TNRC6A: variants seen among roughly 807,000 people sequenced by gnomAD.
TNRC6A encodes the protein trinucleotide repeat-containing gene 6A protein.
TNRC6A carries 44 observed loss-of-function variants against 221.2 expected under a neutral mutation model. The ratio of observed to expected loss-of-function variants is 0.20; its 90% CI spans 0.16 to 0.26. The LOEUF is 0.26. Among genes scored for constraint, TNRC6A ranks in the 10% least tolerant of loss-of-function variants. TNRC6A has a pLI of 1.00. For missense variants in TNRC6A, 2,199 were observed against 2,404.4 expected (o/e 0.91, Z 1.79); for synonymous variants, 847 against 838.5 (o/e 1.01, Z -0.18).
intron 22 of TNRC6A, among the ~76,000 whole-genome samples, 179 bp downstream of exon 22, chr16:24,820,539 T>G (rs1230590427): frequency 1.3e-5 from 2 of 152,184 alleles, no homozygotes; most frequent in African/African-American, 2.4e-5. Context: ...GCAATAACAT[T>G]AATGCATTAG....
chr16:24,745,787 A>G (rs1247320393), intron 2 of TNRC6A, among the ~76,000 whole-genome samples: 2 of 111,814 alleles, frequency 1.8e-5, no homozygotes, highest in African/African-American at 7.4e-5. Context: ...GACTACAGGT[A>G]TGTACCATCC....
In TNRC6A at chr16:24,712,112, A is replaced by T. The variant is rs562354082; in HGVS notation, n.403-38614A>T. Reference sequence around the variant, plus strand: ...TGCAGGAGAATGAAGTTGGATCCTTACCTAATACCATTTTATTCCTTTGTT... The same window carrying T: ...TGCAGGAGAATGAAGTTGGATCCTTTCCTAATACCATTTTATTCCTTTGTT... On this transcript the variant is annotated intron_variant and non_coding_transcript_variant, in intron 2 of 2. Coordinates refer to the TNRC6A transcript ENST00000566108. 1.8e-4 allele frequency among the ~76,000 whole-genome samples: 28 copies of T among 152,318 alleles called. 1 individual carries two copies. In the East Asian group the frequency reaches 5.2e-3, roughly 28 times the overall value.
At chr16:24,771,409 C>T (rs2057588180) in intron 4 of TNRC6A, among the ~76,000 whole-genome samples, 1 of 152,068 alleles carries the variant, frequency 6.6e-6, no homozygotes, top group African/African-American at 2.4e-5. Context: ...GTCTTTTGAA[C>T]CTATACTTCT....
At chr16:24,783,272 G>A (rs1184812133) in intron 5 of TNRC6A, among the ~76,000 whole-genome samples, 1 of 152,056 alleles carries the variant, frequency 6.6e-6, no homozygotes, top group Non-Finnish European at 1.5e-5. Flanking sequence ...GAGATTATAA[G>A]CGTCCACCAC....
chr16:24,761,955 CCTT>C (rs1241491217), intron 4 of TNRC6A, among the ~76,000 whole-genome samples: 1 of 152,048 alleles, frequency 6.6e-6, no homozygotes, highest in East Asian at 1.9e-4. Context: ...TGTCTCTTCC[CCTT>C]CTTGTCTCAC....
chr16:24,671,730 C>T (rs2055307103), intron 2 of TNRC6A, among the ~76,000 whole-genome samples: 1 of 152,138 alleles, frequency 6.6e-6, no homozygotes, highest in Admixed American at 6.6e-5. Context: ...CAATGTCAGG[C>T]CAGGTGCAGT....
intron 2 of TNRC6A, among the ~76,000 whole-genome samples, chr16:24,720,660 C>CCT (rs1443763181): frequency 1.6e-5 from 2 of 121,426 alleles, no homozygotes; most frequent in Middle Eastern, 7.5e-3. Context: ...CATTGCACTA[C>CCT]AGCCTGGGCG....
chr16:24,758,092 A>C (rs1360681204), intron 3 of TNRC6A, among the ~76,000 whole-genome samples: 2 of 152,238 alleles, frequency 1.3e-5, no homozygotes, highest in African/African-American at 2.4e-5. Flanking sequence ...GATGTCTTCT[A>C]TGCTTAGTGT....
At chr16:24,628,242 A>G (rs1213109849) in intron 1 of TNRC6A, among the ~76,000 whole-genome samples, 1 of 151,350 alleles carries the variant, frequency 6.6e-6, no homozygotes, top group Non-Finnish European at 1.5e-5. Context: ...AACATGGTGA[A>G]ACCCCGTCTC....
chr16:24,687,366 A>C (rs889055613), intron 2 of TNRC6A, among the ~76,000 whole-genome samples: 1 of 152,236 alleles, frequency 6.6e-6, no homozygotes, highest in Non-Finnish European at 1.5e-5. Flanking sequence ...GAATGACTAA[A>C]GGATGAATTC....
intron 2 of TNRC6A, among the ~76,000 whole-genome samples, chr16:24,675,690 CTCTCTCTCTCTCTATATATATATATATA>C (rs1316989635): frequency 0.013 from 1,117 of 86,956 alleles, 11 homozygotes; most frequent in South Asian, 0.031. Context: ...CTCTCTCTCT[CTCTCTCTCTCTCTATATATATATATATA>C]TATATATATA....
At chr16:24,620,937 A>G (rs1207088885) in intron 1 of TNRC6A, among the ~76,000 whole-genome samples, 4 of 151,686 alleles carry the variant, frequency 2.6e-5, no homozygotes, top group Non-Finnish European at 4.4e-5. Flanking sequence ...TATAAAAATT[A>G]GCTGGGCATG....
intron 2 of TNRC6A, among the ~76,000 whole-genome samples, chr16:24,741,979 G>T (rs2151300994): frequency 6.6e-6 from 1 of 152,268 alleles, no homozygotes; most frequent in Admixed American, 6.5e-5. Flanking sequence ...TGGGACTACA[G>T]GCATGTGCCA....
intron 1 of TNRC6A, among the ~76,000 whole-genome samples, chr16:24,615,585 GAA>G (rs1231231097): frequency 6.6e-6 from 1 of 152,198 alleles, no homozygotes; most frequent in Non-Finnish European, 1.5e-5. Flanking sequence ...CAAGAGGGCA[GAA>G]TATTTCAGGA....
intron 1 of TNRC6A, among the ~76,000 whole-genome samples, chr16:24,625,281 T>C (rs902547866): frequency 6.6e-6 from 1 of 152,206 alleles, no homozygotes; most frequent in African/African-American, 2.4e-5. Flanking sequence ...ATTTTCTTCA[T>C]TCCATGGAGA....
chr16:24,801,590 A>G (rs903125535), intron 11 of TNRC6A, among the ~76,000 whole-genome samples: 2 of 149,236 alleles, frequency 1.3e-5, no homozygotes, highest in African/African-American at 5.0e-5. Flanking sequence ...CAGTGGCGCA[A>G]TCTCGGCTCA....
At chr16:24,665,938 T>A (rs183139344) in intron 2 of TNRC6A, among the ~76,000 whole-genome samples, 6 of 152,298 alleles carry the variant, frequency 3.9e-5, no homozygotes. Context: ...TTGAGGTTCC[T>A]TTTCAGTGGA....
intron 2 of TNRC6A, among the ~76,000 whole-genome samples, chr16:24,720,829 A>T (rs528618034): frequency 3.9e-4 from 58 of 150,202 alleles, no homozygotes; most frequent in Admixed American, 1.7e-3. Flanking sequence ...AGGTCAGGAG[A>T]TCGAGACCAT....
chr16:24,697,676 C>A (rs1286709496), intron 2 of TNRC6A, among the ~76,000 whole-genome samples: 1 of 151,648 alleles, frequency 6.6e-6, no homozygotes, highest in East Asian at 1.9e-4. Flanking sequence ...CAGAGGGAGA[C>A]CCTGTCTCAA....
Sources: gnomAD v4.1 joint callset for allele counts (sites outside exome capture counted in the v4.1 genomes callset) on GRCh38, gnomAD v4.1.1 for gene constraint, MANE v1.5 for transcripts, NCBI Gene and HGNC (gene_info 2026-07-23, HGNC 2026-07-21) for gene names.